ZFYVE9: variants seen among roughly 807,000 people sequenced by gnomAD.
The protein encoded by ZFYVE9 is zinc finger FYVE-type containing 9, also known as zinc finger FYVE domain-containing protein 9.
A neutral mutation model predicts 126.7 loss-of-function variants in ZFYVE9; 43 were observed. The observed-to-expected ratio is 0.34, with a 90% CI of 0.27 to 0.44. The LOEUF (loss-of-function observed/expected upper bound fraction) is 0.44, where lower values mean the gene tolerates loss of function less well. Ranked by LOEUF, ZFYVE9 falls within the 20% of genes least tolerant of loss-of-function variation. The probability of loss-of-function intolerance (pLI) is 1.00; values close to 1 mark genes in which losing one functional copy is unlikely to be tolerated. For synonymous variants in ZFYVE9, 521 were observed against 597.4 expected (o/e 0.87, Z 1.87); for missense variants, 1,476 against 1,697.0 (o/e 0.87, Z 2.29).
chr1:52,282,743 A>C (rs1645816499), intron 10 of ZFYVE9, among the ~76,000 whole-genome samples: 1 of 152,210 alleles, frequency 6.6e-6, no homozygotes, highest in African/African-American at 2.4e-5. Flanking sequence ...ATTTAACACA[A>C]AAATTCAGAA....
chr1:52,237,166 T>A (rs559382261), intron 3 of ZFYVE9, among the ~76,000 whole-genome samples: 1 of 152,298 alleles, frequency 6.6e-6, no homozygotes, highest in African/African-American at 2.4e-5. Context: ...TCCATTAGAT[T>A]AGCACCTGTC....
chr1:52,284,302 T>C (rs929887164), intron 10 of ZFYVE9, among the ~76,000 whole-genome samples: 1 of 152,172 alleles, frequency 6.6e-6, no homozygotes, highest in Non-Finnish European at 1.5e-5. Flanking sequence ...AGAGTATCGT[T>C]GTGAATGGGA....
rs1646486108 is a variant in ZFYVE9, at chr1:52,346,633, C to G, written c.*412C>G. 2 of 400,790 alleles carry G rather than the reference C, an allele frequency of 5.0e-6. No homozygotes were observed. Among genetic ancestry groups the G allele is most frequent in the Admixed American group, 8.6e-5 (2 of 23,170 alleles). 24.8% of individuals were successfully genotyped at this position (400,790 alleles called of 1,614,324 possible). The stretch of plus-strand genomic sequence containing the variant: ...AGAGGGGAAATAAAATATAAAGCAT[C>G]AGTTCTTGCACTCTTTGTACAGAAT... On this transcript the variant is annotated 3_prime_UTR_variant, in exon 19 of 19. Transcript: ENST00000287727.
At chr1:52,157,356 ACTAT>A (rs1339057790) in intron 1 of ZFYVE9, among the ~76,000 whole-genome samples, 5 of 135,418 alleles carry the variant, frequency 3.7e-5, no homozygotes, top group African/African-American at 1.1e-4. Context: ...ACTGATTTTG[ACTAT>A]CTGTCTGTTT....
intron 14 of ZFYVE9, among the ~76,000 whole-genome samples, chr1:52,333,704 C>T (rs1320038858): frequency 6.6e-6 from 1 of 151,840 alleles, no homozygotes; most frequent in Non-Finnish European, 1.5e-5. Flanking sequence ...GCCTGTAATC[C>T]CAGCACTTTG....
intron 2 of ZFYVE9, among the ~76,000 whole-genome samples, chr1:52,225,428 G>A (rs994577329): frequency 6.6e-6 from 1 of 152,172 alleles, no homozygotes; most frequent in Non-Finnish European, 1.5e-5. Context: ...AGTTTTCTCA[G>A]CAAGGAACTT....
At position 52,228,075 on chromosome 1, in the gene ZFYVE9, AT is replaced by A. The variant is rs541204559; in HGVS notation, c.-36-5089del. On this transcript the variant is annotated intron_variant, in intron 2 of 18. Transcript: ENST00000287727. Reference sequence around the variant, plus strand: ...ACTCTTTTAAAATATTTTATTTAGAATTTTTTTATTTATTTATTTTTGAGAC... The same window carrying A: ...ACTCTTTTAAAATATTTTATTTAGAATTTTTTATTTATTTATTTTTGAGAC... Among the ~76,000 whole-genome samples, 331 of 151,914 alleles carry A rather than the reference AT, an allele frequency of 2.2e-3. 1 individual carries two copies. Among genetic ancestry groups the A allele is most frequent in the Non-Finnish European group, 2.8e-3 (190 of 67,950 alleles).
chr1:52,339,983 T>G lies in ZFYVE9; in HGVS notation c.3834-143T>G, dbSNP rs762768006. ...TGTACATTTTTATACAGTGGCTGCT[T>G]CTTGCTATGATGTGCTGCACAGGTG... is the stretch of plus-strand genomic sequence containing the variant. On this transcript the variant is annotated intron_variant, in intron 16 of 18. Transcript: ENST00000287727. 154 of 660,574 alleles carry G rather than the reference T, an allele frequency of 2.3e-4. 1 individual carries two copies. The highest frequency in any genetic ancestry group is 3.5e-4 in the Non-Finnish European group (132 of 372,782). 40.9% of individuals were successfully genotyped at this position (660,574 alleles called of 1,614,324 possible).
At chr1:52,306,776 C>T (rs1415064190) in intron 13 of ZFYVE9, among the ~76,000 whole-genome samples, 1 of 152,252 alleles carries the variant, frequency 6.6e-6, no homozygotes, top group African/African-American at 2.4e-5. Flanking sequence ...GCTTGCGGTG[C>T]ACCTGGTCCA....
Position 52,278,539 on chromosome 1 carries a change from T to C in ZFYVE9, c.2794T>C (p.Leu932=). The C allele has an allele frequency of 6.2e-7, 1 of 1,613,864 alleles. No individual in the cohort carries two copies. ...ATCACAGATTTCAGTAATGCAGCAG[T>C]TGGAGGATGGTGGCCCTGACCCACT... is the stretch of plus-strand genomic sequence containing the variant. The part of the protein sequence containing the change: ...KPSQISVMQQ[L]EDGGPDPLVF... The change falls in exon 9 of 19, where the codon TTG becomes CTG. Residue 932 remains leucine (L), a synonymous_variant. Transcript: ENST00000287727.
rs1185476904 is a variant in ZFYVE9, at chr1:52,238,415, T to C, written c.998T>C (p.Leu333Pro). 1 of 1,614,018 alleles carries C rather than the reference T, an allele frequency of 6.2e-7. No homozygotes were observed. ...PAEESTTEES[L>P]RSGLPLLLKP... is the part of the protein sequence containing the mutation. ...GAGGAGAGCACCACTGAAGAATCCC[T>C]CCGGTCTGGTTTACCTTTGCTTCTC... The change falls in exon 4 of 19, where the codon CTC becomes CCC. Residue 333 changes from leucine (L) to proline (P), a missense_variant. Physicochemically the swap from Leu to Pro is moderately conservative, Grantham distance 98. Coordinates refer to ENST00000287727, the MANE Select transcript of ZFYVE9 (RefSeq NM_004799.4).
chr1:52,317,493 A>G (rs1197930467), intron 13 of ZFYVE9, among the ~76,000 whole-genome samples: 2 of 151,972 alleles, frequency 1.3e-5, no homozygotes, highest in East Asian at 3.8e-4. Context: ...GAAAAAAAAA[A>G]AAAAGAAAGA....
intron 1 of ZFYVE9, among the ~76,000 whole-genome samples, chr1:52,201,870 G>A (rs980904610): frequency 6.6e-6 from 1 of 151,454 alleles, no homozygotes; most frequent in African/African-American, 2.4e-5. Context: ...TGCAACCTCC[G>A]CCTCCCAGGT....
At chr1:52,235,864 C>T (rs1450115298) in intron 3 of ZFYVE9, among the ~76,000 whole-genome samples, 5 of 152,112 alleles carry the variant, frequency 3.3e-5, no homozygotes, top group African/African-American at 1.2e-4. Context: ...TTTTTCTACT[C>T]CTACATAATA....
intron 1 of ZFYVE9, among the ~76,000 whole-genome samples, chr1:52,169,543 G>C (rs1350694290): frequency 6.6e-6 from 1 of 152,020 alleles, no homozygotes; most frequent in Non-Finnish European, 1.5e-5. Context: ...TCTCTGCGAG[G>C]GCTCAGGTTT....
At chr1:52,232,197 A>AG (rs1178542327) in intron 2 of ZFYVE9, among the ~76,000 whole-genome samples, 2 of 152,198 alleles carry the variant, frequency 1.3e-5, no homozygotes, top group Non-Finnish European at 2.9e-5. Context: ...ATCAATAAGA[A>AG]GCCAAGCAGA....
intron 1 of ZFYVE9, among the ~76,000 whole-genome samples, chr1:52,212,231 A>G (rs1645034993): frequency 2.0e-5 from 3 of 152,078 alleles, no homozygotes; most frequent in Admixed American, 2.0e-4. Flanking sequence ...TGCAACCTCC[A>G]CCTCCCAGGC....
intron 2 of ZFYVE9, among the ~76,000 whole-genome samples, chr1:52,223,162 C>T (rs554679370): frequency 2.8e-4 from 43 of 152,194 alleles, no homozygotes; most frequent in African/African-American, 9.2e-4. Flanking sequence ...TACCTGACCC[C>T]GCTATTCTTC....
At chr1:52,285,615 C>T (rs1486016034) in intron 10 of ZFYVE9, among the ~76,000 whole-genome samples, 1 of 152,190 alleles carries the variant, frequency 6.6e-6, no homozygotes, top group African/African-American at 2.4e-5. Context: ...CACTGTCTCC[C>T]ATCACCCCCA....
Sources: gnomAD v4.1 joint callset for allele counts (sites outside exome capture counted in the v4.1 genomes callset) on GRCh38, gnomAD v4.1.1 for gene constraint, MANE v1.5 for transcripts, NCBI Gene and HGNC (gene_info 2026-07-23, HGNC 2026-07-21) for gene names.